Variants in CEP83 observed in about 807,000 individuals in gnomAD.
The protein encoded by CEP83 is centrosomal protein 83.
In CEP83, 70 loss-of-function variants were observed where a neutral mutation model predicts 101.9. The ratio of observed to expected loss-of-function variants is 0.69; its 90% confidence interval spans 0.57 to 0.84. The LOEUF (loss-of-function observed/expected upper bound fraction) is 0.84, where lower values mean the gene tolerates loss of function less well. Ranked by LOEUF, CEP83 falls within the 40% of genes least tolerant of loss-of-function variation. The pLI, the probability that CEP83 is intolerant of heterozygous loss-of-function variation, is 0.00. For missense variants in CEP83, 715 were observed against 787.2 expected, an observed-to-expected ratio of 0.91 and a Z score of 1.10; for synonymous variants, 264 against 267.9, an observed-to-expected ratio of 0.99 and a Z score of 0.14.
rs901649119 is a variant in CEP83 at position 94,308,693 on chromosome 12, T to C, written c.*120A>G. On this transcript the variant is annotated 3_prime_UTR_variant, in exon 17 of 17. Transcript: ENST00000397809. ...ACAGCATGTAGTAGGTACCTTTTCT[T>C]GAGGCACATTCAAGTGTTTTGGCAA... 1.5e-6 allele frequency: 1 copy of C among 657,436 alleles called. No individual in the cohort carries two copies. The highest frequency in any genetic ancestry group is 1.9e-5 in the South Asian group (1 of 53,938). 40.7% of individuals were successfully genotyped at this position (657,436 alleles called of 1,614,324 possible).
At chr12:94,283,430 C>CTGT in the CEP83 span, among the ~76,000 whole-genome samples, 1 of 152,196 alleles carries the variant, frequency 6.6e-6, no homozygotes, top group Non-Finnish European at 1.5e-5. Flanking sequence ...TACACCACAC[C>CTGT]AGGTACTATT....
intron 4 of CEP83, among the ~76,000 whole-genome samples, chr12:94,405,696 G>A (rs1010880204): frequency 2.0e-5 from 3 of 152,156 alleles, no homozygotes; most frequent in African/African-American, 7.2e-5. Flanking sequence ...GCAGATCCCT[G>A]AGAGACACAA....
In CEP83 at chr12:94,358,791, T is replaced by C. The variant is rs190440819; in HGVS notation, c.1343+9003A>G. ...TGACAAAGCTGCCCTTGCTTTTATC[T>C]CTTTGCAAATCTAAGAAGGGAGACA... is the stretch of plus-strand genomic sequence containing the variant. On this transcript the variant is annotated intron_variant, in intron 11 of 16. Coordinates refer to ENST00000397809, the MANE Select transcript of CEP83 (RefSeq NM_016122.3). 4.5e-3 allele frequency among the ~76,000 whole-genome samples: 693 copies of C among 152,322 alleles called. 8 individuals are homozygous for C. Among genetic ancestry groups the C allele is most frequent in the African/African-American group, 0.016 (673 of 41,566 alleles).
intron 2 of CEP83, among the ~76,000 whole-genome samples, chr12:94,433,237 A>G (rs1042107107): frequency 2.9e-4 from 44 of 152,192 alleles, no homozygotes; most frequent in African/African-American, 9.9e-4. Flanking sequence ...TCACATTTAC[A>G]TTTCAGAAAA....
intron 1 of CEP83, among the ~76,000 whole-genome samples, chr12:94,448,482 A>C (rs2066972329): frequency 6.6e-6 from 1 of 152,142 alleles, no homozygotes; most frequent in African/African-American, 2.4e-5. Context: ...CAGAATATAC[A>C]ACCTTTTTAC....
intron 2 of CEP83, among the ~76,000 whole-genome samples, chr12:94,419,127 T>A (rs1321497252): frequency 6.6e-6 from 1 of 151,622 alleles, no homozygotes; most frequent in African/African-American, 2.4e-5. Context: ...TACAGAAAAA[T>A]AATTAGAAAA....
intron 6 of CEP83, among the ~76,000 whole-genome samples, chr12:94,391,221 C>G (rs1008591435): frequency 6.6e-6 from 1 of 152,042 alleles, no homozygotes; most frequent in Non-Finnish European, 1.5e-5. Flanking sequence ...TAAGGGCAGG[C>G]AGAGAGAAAG....
chr12:94,416,574 A>AC (rs60134327), intron 2 of CEP83, among the ~76,000 whole-genome samples: 59,024 of 116,072 alleles, frequency 0.51, 12,853 homozygotes, highest in Non-Finnish European at 0.6. Context: ...ACACACACAC[A>AC]AAAAAAAAAA....
At chr12:94,337,599 G>A (rs1334501635) in intron 11 of CEP83, among the ~76,000 whole-genome samples, 1 of 152,164 alleles carries the variant, frequency 6.6e-6, no homozygotes, top group East Asian at 1.9e-4. Flanking sequence ...TACTCAAGGT[G>A]TGTCACAGTA....
chr12:94,292,948 C>T, the CEP83 span, among the ~76,000 whole-genome samples: 16 of 152,342 alleles, frequency 1.1e-4, no homozygotes, highest in South Asian at 4.1e-4. Context: ...TATCCTGAAA[C>T]TACCACCCAT....
intron 11 of CEP83, among the ~76,000 whole-genome samples, chr12:94,347,757 T>C (rs140934940): frequency 2.1e-3 from 313 of 152,306 alleles, no homozygotes; most frequent in African/African-American, 6.7e-3. Flanking sequence ...ACTCAGAGCA[T>C]GGATAAGTCA....
intron 2 of CEP83, among the ~76,000 whole-genome samples, chr12:94,431,316 G>GT (rs780087779): frequency 3.9e-5 from 6 of 152,200 alleles, no homozygotes; most frequent in East Asian, 1.9e-4. Flanking sequence ...AGATACAAAC[G>GT]TAAGACCCAA....
At chr12:94,269,109 C>T in the CEP83 span, among the ~76,000 whole-genome samples, 1 of 152,144 alleles carries the variant, frequency 6.6e-6, no homozygotes. Context: ...TAACTCGTAG[C>T]AAGCGTGCTG....
chr12:94,285,522 A>G, the CEP83 span, among the ~76,000 whole-genome samples: 1 of 152,170 alleles, frequency 6.6e-6, no homozygotes. Context: ...AGACTTGCCA[A>G]CCCTGGAATC....
chr12:94,389,662 G>A (rs145446539), intron 6 of CEP83, among the ~76,000 whole-genome samples: 2,238 of 152,274 alleles, frequency 0.015, 23 homozygotes, highest in Non-Finnish European at 0.023. Context: ...GAAGCAGGGC[G>A]GGGCATCACC....
chr12:94,293,377 A>C, the CEP83 span, among the ~76,000 whole-genome samples: 1 of 152,210 alleles, frequency 6.6e-6, no homozygotes, highest in Non-Finnish European at 1.5e-5. Flanking sequence ...CAATTTCTGA[A>C]AACCCATTTC....
chr12:94,370,662 T>A (rs1402009651), intron 8 of CEP83, among the ~76,000 whole-genome samples: 1 of 152,130 alleles, frequency 6.6e-6, no homozygotes, highest in Non-Finnish European at 1.5e-5. Context: ...ATAGTTGTAA[T>A]CCACTGCACT....
At chr12:94,324,059 A>G (rs1442362979) in intron 14 of CEP83, among the ~76,000 whole-genome samples, 4 of 152,220 alleles carry the variant, frequency 2.6e-5, no homozygotes, top group South Asian at 2.1e-4. Context: ...TCATTTTTCT[A>G]TATCACTAAA....
chr12:94,308,966 T>C, intron 16 of CEP83, 49 bp from the exon 17 acceptor site: 1 of 1,326,106 alleles, frequency 7.5e-7, no homozygotes, highest in Non-Finnish European at 1.1e-6. Context: ...TTAGAAAAAC[T>C]GTTAGGTAGC....
Sources: gnomAD v4.1 joint callset for allele counts (sites outside exome capture counted in the v4.1 genomes callset) on GRCh38, gnomAD v4.1.1 for gene constraint, MANE v1.5 for transcripts, NCBI Gene and HGNC (gene_info 2026-07-23, HGNC 2026-07-21) for gene names.